LIPH: variants seen among roughly 807,000 people sequenced by gnomAD.
LIPH encodes the protein lipase H.
In LIPH, 32 loss-of-function variants were observed where a neutral mutation model predicts 47.6. The observed-to-expected ratio is 0.67, with a 90% CI of 0.51 to 0.90. The LOEUF (loss-of-function observed/expected upper bound fraction) is 0.90, where lower values mean the gene tolerates loss of function less well. LIPH is among the 40% of genes least tolerant of loss of function. The pLI is 0.00. For missense variants in LIPH, 497 were observed against 541.4 expected, an observed-to-expected ratio of 0.92 and a Z score of 0.81; for synonymous variants, 190 against 195.6, an observed-to-expected ratio of 0.97 and a Z score of 0.24.
intron 1 of LIPH, among the ~76,000 whole-genome samples, chr3:185,542,147 G>A (rs1250369777): frequency 6.6e-6 from 1 of 152,032 alleles, no homozygotes; most frequent in Non-Finnish European, 1.5e-5. Flanking sequence ...CATGTGTAGA[G>A]TGGCGAAAAA....
At chr3:185,533,022 C>T (rs1025020351) in intron 3 of LIPH, among the ~76,000 whole-genome samples, 7 of 152,086 alleles carry the variant, frequency 4.6e-5, no homozygotes, top group Non-Finnish European at 7.4e-5. Context: ...GAGAGAGCCG[C>T]TGTGGAAAGC....
rs536869745 is a variant in LIPH at position 185,528,268 on chromosome 3, A to G, written c.527-683T>C. Among the ~76,000 whole-genome samples the G allele has an allele frequency of 4.1e-5, 6 of 147,254 alleles. No homozygotes were observed. In the South Asian group the frequency reaches 6.4e-4, roughly 16 times the overall value. On this transcript the variant is annotated intron_variant, in intron 3 of 9. Coordinates refer to ENST00000296252, the MANE Select transcript of LIPH (RefSeq NM_139248.3). Reference sequence around the variant, plus strand: ...AGAGAAAGAAAAAAAGAAAGAAAGCAAGCAGATGCTATACTCATCTTTATC... The same window carrying G: ...AGAGAAAGAAAAAAAGAAAGAAAGCGAGCAGATGCTATACTCATCTTTATC...
chr3:185,546,305 T>C (rs1350811702), intron 1 of LIPH, among the ~76,000 whole-genome samples: 1 of 150,044 alleles, frequency 6.7e-6, no homozygotes, highest in African/African-American at 2.5e-5. Context: ...TGGGCCAGGA[T>C]TGTGCCACTG....
At chr3:185,540,692 T>C (rs912448097) in intron 1 of LIPH, among the ~76,000 whole-genome samples, 2 of 145,778 alleles carry the variant, frequency 1.4e-5, no homozygotes, top group African/African-American at 2.6e-5. Flanking sequence ...CATTCTAACC[T>C]GGGCGACAGA....
intron 4 of LIPH, among the ~76,000 whole-genome samples, chr3:185,525,183 G>C (rs948711714): frequency 6.6e-6 from 1 of 152,054 alleles, no homozygotes; most frequent in African/African-American, 2.4e-5. Flanking sequence ...CTGCATTCCA[G>C]CCTGGGTGAC....
rs1408095464 is a variant in LIPH, at chr3:185,506,875, A to T, written c.*1915T>A. ...AAAAAAAAAAACCAGGGCCTACAGCACACTGATCTCTCTATCCACAATTGC... is the reference window on the plus strand; with the variant it reads ...AAAAAAAAAAACCAGGGCCTACAGCTCACTGATCTCTCTATCCACAATTGC... On this transcript the variant is annotated 3_prime_UTR_variant, in exon 10 of 10. Coordinates refer to ENST00000296252, the MANE Select transcript of LIPH (RefSeq NM_139248.3). The T allele has an allele frequency of 6.7e-6, 1 of 148,992 alleles. No individual in the cohort carries two copies. Among genetic ancestry groups the T allele is most frequent in the Non-Finnish European group, 1.5e-5 (1 of 67,576 alleles). 9.2% of individuals were successfully genotyped at this position (148,992 alleles called of 1,614,324 possible). A position where few individuals can be genotyped will look rare whatever the true frequency, so the allele number is the denominator to read the frequency against.
intron 5 of LIPH, among the ~76,000 whole-genome samples, chr3:185,519,690 G>T (rs143407931): frequency 6.6e-6 from 1 of 151,792 alleles, no homozygotes; most frequent in African/African-American, 2.4e-5. Context: ...ACAAAAATTC[G>T]CTGGGCGTGG....
At chr3:185,534,372 T>G (rs1415698984) in intron 2 of LIPH, among the ~76,000 whole-genome samples, 3 of 149,522 alleles carry the variant, frequency 2.0e-5, no homozygotes, top group Non-Finnish European at 4.4e-5. Context: ...AAAAAAGAAG[T>G]TGAGGAAGCT....
At chr3:185,552,382 T>A (rs778651188) in intron 1 of LIPH, 41 bp downstream of exon 1, 1 of 1,391,708 alleles carries the variant, frequency 7.2e-7, no homozygotes, top group Non-Finnish European at 1.0e-6. Context: ...ACTAATTCTA[T>A]TTTTTAAGCA....
chr3:185,529,987 A>AGGGG (rs1553823343), intron 3 of LIPH, among the ~76,000 whole-genome samples: 7 of 149,384 alleles, frequency 4.7e-5, no homozygotes, highest in African/African-American at 1.7e-4. Context: ...AGAGAGAGAG[A>AGGGG]GAGAAAATAA....
intron 1 of LIPH, among the ~76,000 whole-genome samples, chr3:185,541,806 G>A (rs1029051549): frequency 6.6e-6 from 1 of 151,176 alleles, no homozygotes; most frequent in Non-Finnish European, 1.5e-5. Flanking sequence ...AACCAGGCTG[G>A]AGCGCAGGGT....
At chr3:185,518,890 A>G (rs1719813960) in intron 6 of LIPH, among the ~76,000 whole-genome samples, 1 of 151,136 alleles carries the variant, frequency 6.6e-6, no homozygotes, top group Non-Finnish European at 1.5e-5. Flanking sequence ...ACACCCGGCT[A>G]CTTTTTGTAT....
At chr3:185,549,961 AT>A (rs1299242909) in intron 1 of LIPH, among the ~76,000 whole-genome samples, 2 of 152,242 alleles carry the variant, frequency 1.3e-5, no homozygotes, top group Admixed American at 1.3e-4. Context: ...CCCTCAGGGG[AT>A]TCTAGTGTAC....
intron 3 of LIPH, among the ~76,000 whole-genome samples, chr3:185,529,244 T>G (rs945452001): frequency 7.3e-6 from 1 of 136,162 alleles, no homozygotes; most frequent in Non-Finnish European, 1.6e-5. Context: ...AATCAGCAGC[T>G]CCAAAAGGTC....
chr3:185,538,882 TACATATATACGTATATAC>T (rs936735363), intron 1 of LIPH, among the ~76,000 whole-genome samples: 10 of 137,124 alleles, frequency 7.3e-5, no homozygotes, highest in Non-Finnish European at 1.3e-4. Context: ...CACATATATA[TACATATATACGTATATAC>T]ACATATACAC....
intron 5 of LIPH, among the ~76,000 whole-genome samples, chr3:185,522,611 G>A (rs1292209606): frequency 8.8e-6 from 1 of 113,796 alleles, no homozygotes. Flanking sequence ...AAGGAAGGGA[G>A]GGAGAGAGAA....
rs1450923979 is a variant in LIPH, at chr3:185,506,378, A to G, written c.*2412T>C. ...TATCCATTCATTCACCCATCTACCCATCCTACAGTGAGCCAGGTACTGAGA... is the reference window on the plus strand; with the variant it reads ...TATCCATTCATTCACCCATCTACCCGTCCTACAGTGAGCCAGGTACTGAGA... On this transcript the variant is annotated 3_prime_UTR_variant, in exon 10 of 10. Transcript: ENST00000296252. 6.6e-6 allele frequency: 1 copy of G among 152,130 alleles called. No individual in the cohort carries two copies. The highest frequency in any genetic ancestry group is 1.5e-5 in the Non-Finnish European group (1 of 68,034). The allele number at this position is 152,130 out of a possible 1,614,324, so 9.4% of individuals were successfully genotyped here.
chr3:185,548,481 A>G (rs1166479687), intron 1 of LIPH, among the ~76,000 whole-genome samples: 2 of 152,014 alleles, frequency 1.3e-5, no homozygotes, highest in South Asian at 2.1e-4. Context: ...TAATCCTAGC[A>G]CTTTGGGAGG....
At chr3:185,509,647 G>C (rs1218315002) in intron 9 of LIPH, among the ~76,000 whole-genome samples, 2 of 151,978 alleles carry the variant, frequency 1.3e-5, no homozygotes, top group Non-Finnish European at 2.9e-5. Context: ...AAGAAAGAAA[G>C]ATGTAAAATT....
Sources: allele counts gnomAD v4.1 joint callset (sites outside exome capture counted in the v4.1 genomes callset), GRCh38; gene constraint gnomAD v4.1.1; transcripts MANE v1.5; gene names NCBI Gene and HGNC (gene_info 2026-07-23, HGNC 2026-07-21).